AUTS2: variants seen among roughly 807,000 people sequenced by gnomAD.
The protein encoded by AUTS2 is autism susceptibility gene 2 protein.
AUTS2 carries 17 observed loss-of-function variants against 112.4 expected under a neutral mutation model. That is an observed-to-expected ratio of 0.15 (90% CI 0.10 to 0.23). The LOEUF (loss-of-function observed/expected upper bound fraction) is 0.23, where lower values mean the gene tolerates loss of function less well. AUTS2 is among the 10% of genes least tolerant of loss of function. The pLI is 1.00. For synonymous variants in AUTS2, 751 were observed against 702.7 expected, an observed-to-expected ratio of 1.07 and a Z score of -1.09; for missense variants, 1,510 against 1,701.6, an observed-to-expected ratio of 0.89 and a Z score of 1.98.
chr7:70,720,183 TTTG>T (rs1449031097), intron 6 of AUTS2, among the ~76,000 whole-genome samples: 2 of 142,938 alleles, frequency 1.4e-5, no homozygotes, highest in Non-Finnish European at 3.0e-5. Context: ...ACGAAGTCTT[TTTG>T]TTGTTGTTTT....
At chr7:70,787,476 C>T (rs2293499) in intron 18 of AUTS2, 45 bp downstream of exon 18, 2 of 1,402,648 alleles carry the variant, frequency 1.4e-6, no homozygotes, top group Admixed American at 2.1e-5. Context: ...GGAGCCTGCT[C>T]TATGCCAAGT....
At chr7:70,526,545 G>A (rs560744293) in intron 5 of AUTS2, among the ~76,000 whole-genome samples, 1 of 152,302 alleles carries the variant, frequency 6.6e-6, no homozygotes, top group South Asian at 2.1e-4. Context: ...GGTGGCACAT[G>A]CCTGTAATCC....
At chr7:70,351,828 C>T (rs143617282) in intron 4 of AUTS2, among the ~76,000 whole-genome samples, 205 of 152,024 alleles carry the variant, frequency 1.3e-3, no homozygotes, top group African/African-American at 4.4e-3. Flanking sequence ...CAGCCTCCCA[C>T]GTAGCTGGGA....
chr7:70,492,935 G>A (rs979874925), intron 5 of AUTS2, among the ~76,000 whole-genome samples: 4 of 152,210 alleles, frequency 2.6e-5, no homozygotes, highest in African/African-American at 7.2e-5. Context: ...TAACTTTTGC[G>A]TTTTTATCCA....
At chr7:70,197,261 CCACA>C (rs10618080) in intron 4 of AUTS2, among the ~76,000 whole-genome samples, 206 of 149,120 alleles carry the variant, frequency 1.4e-3, no homozygotes, top group African/African-American at 4.5e-3. Flanking sequence ...AATTCTTAGT[CCACA>C]CACACACACA....
At chr7:69,881,127 G>C (rs1794023156) in intron 1 of AUTS2, among the ~76,000 whole-genome samples, 1 of 152,144 alleles carries the variant, frequency 6.6e-6, no homozygotes, top group South Asian at 2.1e-4. Flanking sequence ...GAACTTTACA[G>C]CACTCTATAA....
chr7:69,769,729 C>A (rs540008965), intron 1 of AUTS2, among the ~76,000 whole-genome samples: 1 of 152,008 alleles, frequency 6.6e-6, no homozygotes, highest in Non-Finnish European at 1.5e-5. Context: ...TCCCAACCCA[C>A]GGAGTAAACT....
chr7:70,181,521 C>T (rs1454749458), intron 4 of AUTS2, among the ~76,000 whole-genome samples: 3 of 145,710 alleles, frequency 2.1e-5, no homozygotes, highest in Non-Finnish European at 3.0e-5. Context: ...GAGTTTTGCT[C>T]TTGTTGCCCA....
At chr7:70,567,998 AC>A (rs1270398889) in intron 5 of AUTS2, among the ~76,000 whole-genome samples, 1 of 152,220 alleles carries the variant, frequency 6.6e-6, no homozygotes, top group Non-Finnish European at 1.5e-5. Flanking sequence ...TCTCAGCTTA[AC>A]ATGGTACCTG....
At chr7:70,765,056 T>G (rs1041778868) in intron 8 of AUTS2, 51 bp downstream of exon 8, 5 of 1,604,100 alleles carry the variant, frequency 3.1e-6, no homozygotes, top group African/African-American at 2.7e-5. Flanking sequence ...CGCCCCTCGC[T>G]GTGACCTCAC....
At chr7:69,879,963 A>G (rs1793971457) in intron 1 of AUTS2, among the ~76,000 whole-genome samples, 1 of 152,208 alleles carries the variant, frequency 6.6e-6, no homozygotes, top group South Asian at 2.1e-4. Flanking sequence ...GGATTTCCCT[A>G]TGTTGCCCAG....
chr7:70,070,376 C>T (rs985633446), intron 2 of AUTS2, among the ~76,000 whole-genome samples: 2 of 147,326 alleles, frequency 1.4e-5, no homozygotes, highest in Non-Finnish European at 3.0e-5. Flanking sequence ...AGTTTGAGAC[C>T]AACCTGGCCA....
intron 1 of AUTS2, among the ~76,000 whole-genome samples, chr7:69,832,967 T>C (rs538649012): frequency 3.3e-5 from 5 of 152,332 alleles, no homozygotes; most frequent in Admixed American, 3.3e-4. Context: ...TGTCTGAGCT[T>C]CAGAGAATGT....
At chr7:70,680,916 T>A (rs1808174792) in intron 5 of AUTS2, among the ~76,000 whole-genome samples, 1 of 152,244 alleles carries the variant, frequency 6.6e-6, no homozygotes, top group South Asian at 2.1e-4. Context: ...ACAATTTTCC[T>A]GTTTTACTAA....
At chr7:70,775,566 G>A (rs776111103) in intron 13 of AUTS2, among the ~76,000 whole-genome samples, 180 bp downstream of exon 13, 19 of 149,554 alleles carry the variant, frequency 1.3e-4, no homozygotes, top group South Asian at 4.2e-4. Context: ...TGCTTTGACC[G>A]TTGGAGGCCA....
At chr7:70,059,263 G>A (rs993926553) in intron 2 of AUTS2, among the ~76,000 whole-genome samples, 1 of 152,120 alleles carries the variant, frequency 6.6e-6, no homozygotes. Context: ...CTATATATAT[G>A]TAGCCTTTCA....
In AUTS2 at chr7:70,539,793, C is replaced by A. The variant is rs1015382467; in HGVS notation, c.690+104012C>A. ...AAATCCTGCCAGTGCTTGTCAGCTTCCACTCTGGTGTCTGCTGTGCGGGAA... is the reference window on the plus strand; with the variant it reads ...AAATCCTGCCAGTGCTTGTCAGCTTACACTCTGGTGTCTGCTGTGCGGGAA... On this transcript the variant is annotated intron_variant, in intron 5 of 18. Transcript: ENST00000342771. Among the ~76,000 whole-genome samples, 5 of 152,230 alleles carry A rather than the reference C, an allele frequency of 3.3e-5. No individual in the cohort carries two copies. In the East Asian group the frequency reaches 9.7e-4, roughly 29 times the overall value.
At chr7:69,779,216 A>G (rs1483030432) in intron 1 of AUTS2, among the ~76,000 whole-genome samples, 1 of 151,988 alleles carries the variant, frequency 6.6e-6, no homozygotes, top group African/African-American at 2.4e-5. Context: ...TACTACTACA[A>G]TTTTAGGAAC....
intron 2 of AUTS2, among the ~76,000 whole-genome samples, chr7:70,043,589 CTTCCTTCCTTCCTTCCT>C (rs1480349939): frequency 5.1e-4 from 50 of 97,918 alleles, no homozygotes; most frequent in Non-Finnish European, 9.3e-4. Context: ...TCCTTCCTTC[CTTCCTTCCTTCCTTCCT>C]TTTTTTTTTT....
Sources: gnomAD v4.1 joint callset for allele counts (sites outside exome capture counted in the v4.1 genomes callset) on GRCh38, gnomAD v4.1.1 for gene constraint, MANE v1.5 for transcripts, NCBI Gene and HGNC (gene_info 2026-07-23, HGNC 2026-07-21) for gene names.